The following OVGP1 variants were observed in gnomAD, a reference collection of about 807,000 sequenced individuals.
The protein encoded by OVGP1 is oviductal glycoprotein 1, also known as oviduct-specific glycoprotein.
Under a neutral mutation model 48.2 loss-of-function variants are expected in OVGP1, and 26 were observed. The observed-to-expected ratio is 0.54, with a 90% CI of 0.40 to 0.75. OVGP1 has a LOEUF of 0.75. Among genes scored for constraint, OVGP1 ranks in the 30% least tolerant of loss-of-function variants. OVGP1 has a pLI of 0.00. For synonymous variants in OVGP1, 294 were observed against 305.7 expected, an observed-to-expected ratio of 0.96 and a Z score of 0.40; for missense variants, 791 against 820.6, an observed-to-expected ratio of 0.96 and a Z score of 0.44.
At chr1:111,415,468 T>C (rs1487544522) in intron 10 of OVGP1, 124 bp from the exon 11 acceptor site, 5 of 793,274 alleles carry the variant, frequency 6.3e-6, no homozygotes, top group African/African-American at 1.7e-5. Flanking sequence ...AAGTGTAAGA[T>C]TTCATACTAT....
chr1:111,424,437 G>A (rs747335978), intron 4 of OVGP1, among the ~76,000 whole-genome samples: 3 of 152,152 alleles, frequency 2.0e-5, no homozygotes, highest in Non-Finnish European at 4.4e-5. Flanking sequence ...AAATAGATCT[G>A]GGTTCCATGG....
At chr1:111,417,895 C>T (rs1489405972) in intron 9 of OVGP1, among the ~76,000 whole-genome samples, 1 of 152,118 alleles carries the variant, frequency 6.6e-6, no homozygotes. Flanking sequence ...ACATATGTGG[C>T]CCTCCTCCCT....
chr1:111,418,679 G>A (rs937535899), intron 9 of OVGP1, among the ~76,000 whole-genome samples: 1 of 152,154 alleles, frequency 6.6e-6, no homozygotes, highest in South Asian at 2.1e-4. Flanking sequence ...CCCTAGTCCA[G>A]ACCCTCATTA....
Position 111,414,901 on chromosome 1 carries a change from G to T in OVGP1, c.1600C>A (p.Pro534Thr). Residue 534 changes from proline (P) to threonine (T), a missense_variant, in exon 11 of 11, where the codon CCT becomes ACT. Transcript: ENST00000369732. The part of the protein sequence containing the change: ...LTPVGHQSVT[P>T]VSHQSVSPGG... ...GGGCTCACAGACTGATGACTCACAGGGGTCACAGACTGATGACCCACAGGG... is the reference window on the plus strand; with the variant it reads ...GGGCTCACAGACTGATGACTCACAGTGGTCACAGACTGATGACCCACAGGG... The T allele has an allele frequency of 1.3e-6, 1 of 754,236 alleles. No individual in the cohort carries two copies. Among genetic ancestry groups the T allele is most frequent in the East Asian group, 3.5e-5 (1 of 28,400 alleles). The allele number at this position is 754,236 out of a possible 1,614,324, so 46.7% of individuals were successfully genotyped here.
rs74703813 is a variant in OVGP1 at position 111,423,833 on chromosome 1, G to C, written c.318-125C>G. 2.0e-3 allele frequency: 1,832 copies of C among 897,164 alleles called. 55 individuals are homozygous for C. In the East Asian group the frequency reaches 0.044, roughly 22 times the overall value. The allele number at this position is 897,164 out of a possible 1,614,324, so 55.6% of individuals were successfully genotyped here. A position where few individuals can be genotyped will look rare whatever the true frequency, so the allele number is the denominator to read the frequency against. On this transcript the variant is annotated intron_variant, in intron 4 of 10. Transcript: ENST00000369732. Reference sequence around the variant, plus strand: ...GATGTGGCTGGAGGAAAGGAAGGCAGATTTCCAAAACTCTCCCACCTTCTT... The same window carrying C: ...GATGTGGCTGGAGGAAAGGAAGGCACATTTCCAAAACTCTCCCACCTTCTT...
chr1:111,421,204 T>G lies in OVGP1; in HGVS notation c.903+72A>C, dbSNP rs1354604348. On this transcript the variant is annotated intron_variant, in intron 8 of 10. Transcript: ENST00000369732. Reference sequence around the variant, plus strand: ...CAGCTCTCACCCTTGCCATTGCCCCTTGTCCTGGCCTTTGCTCCAGCTGGG... The same window carrying G: ...CAGCTCTCACCCTTGCCATTGCCCCGTGTCCTGGCCTTTGCTCCAGCTGGG... 5 of 1,438,456 alleles carry G rather than the reference T, an allele frequency of 3.5e-6. No individual in the cohort carries two copies. The Admixed American group carries it at 6.5e-5, about 19-fold the overall frequency. 89.1% of individuals were successfully genotyped at this position (1,438,456 alleles called of 1,614,324 possible). A position where few individuals can be genotyped will look rare whatever the true frequency, so the allele number is the denominator to read the frequency against.
chr1:111,421,916 G>A (rs563456987), intron 6 of OVGP1, among the ~76,000 whole-genome samples: 8 of 152,188 alleles, frequency 5.3e-5, no homozygotes, highest in Non-Finnish European at 7.3e-5. Flanking sequence ...GCAGGAGTTA[G>A]ATGAGAGAAA....
At chr1:111,423,455 C>T in intron 5 of OVGP1, 88 bp downstream of exon 5, 1 of 1,399,846 alleles carries the variant, frequency 7.1e-7, no homozygotes. Context: ...TGCCCCTGGC[C>T]CTGGACTTAT....
At position 111,426,617 on chromosome 1, in the gene OVGP1, T is replaced by A. The variant is rs762881020; in HGVS notation, c.80A>T (p.Tyr27Phe). The A allele has an allele frequency of 6.2e-7, 1 of 1,613,890 alleles. No individual in the cohort carries two copies. The highest frequency in any genetic ancestry group is 8.5e-7 in the Non-Finnish European group (1 of 1,179,922). Residue 27 changes from tyrosine to phenylalanine, a missense_variant, in exon 3 of 11, where the codon TAT (tyrosine) becomes TTT (phenylalanine). Coordinates refer to ENST00000369732, the MANE Select transcript of OVGP1 (RefSeq NM_002557.4). ...CCGACTGTGTGCCCAGTTGGTGAAA[T>A]AACACACGAGTTTATGGGCAGCACC... ...HDGAAHKLVC[Y>F]FTNWAHSRPG...
chr1:111,416,886 CG>C (rs985490841), intron 9 of OVGP1, among the ~76,000 whole-genome samples: 1 of 151,932 alleles, frequency 6.6e-6, no homozygotes, highest in African/African-American at 2.4e-5. Flanking sequence ...TGCCAGGGGA[CG>C]TGGGAAGGAG....
chr1:111,416,232 C>T, intron 10 of OVGP1, 91 bp downstream of exon 10: 2 of 1,338,226 alleles, frequency 1.5e-6, no homozygotes, highest in Non-Finnish European at 2.0e-6. Flanking sequence ...GTCATGTTGC[C>T]TCACCAAGGC....
At chr1:111,420,126 T>C (rs1020805500) in intron 8 of OVGP1, among the ~76,000 whole-genome samples, 3 of 152,210 alleles carry the variant, frequency 2.0e-5, no homozygotes, top group Non-Finnish European at 4.4e-5. Flanking sequence ...CTGCCCCATA[T>C]AGGTGGTTCT....
Position 111,414,752 on chromosome 1 carries a change from G to A in OVGP1, c.1749C>T (p.Val583=), listed in dbSNP as rs1384308259. The part of the protein sequence containing the change: ...KVTVPSRNIS[V]TPEGQTMPLR... ...AAGGCATAGTCTGCCCTTCAGGGGT[G>A]ACTGATATGTTTCTGGAGGGGACAG... Residue 583 remains valine, a synonymous_variant, in exon 11 of 11, where the codon GTC becomes GTT. Coordinates refer to ENST00000369732, the MANE Select transcript of OVGP1 (RefSeq NM_002557.4). The A allele has an allele frequency of 3.7e-6, 6 of 1,611,224 alleles. No individual in the cohort carries two copies. The highest frequency in any genetic ancestry group is 5.1e-6 in the Non-Finnish European group (6 of 1,177,690).
At chr1:111,427,392 C>T in intron 1 of OVGP1, 1 of 984,390 alleles carries the variant, frequency 1.0e-6, no homozygotes, top group Non-Finnish European at 1.2e-6. Context: ...GTTCTGAACC[C>T]TGGCTGCAAA....
chr1:111,427,079 A>G lies in OVGP1; in HGVS notation c.38T>C (p.Val13Ala), dbSNP rs377549544. 1.7e-5 allele frequency: 27 copies of G among 1,614,012 alleles called. No homozygotes were observed. In the Middle Eastern group the frequency reaches 9.9e-4, roughly 59 times the overall value. The change falls in exon 2 of 11, where the codon GTG (valine) becomes GCG (alanine). Residue 13 changes from valine to alanine, a missense_variant. Physicochemically the swap from Val to Ala is moderately conservative, Grantham distance 64. Coordinates refer to ENST00000369732, the MANE Select transcript of OVGP1 (RefSeq NM_002557.4). ...KLLLWVGLVL[V>A]LKHHDGAAHK... is the part of the protein sequence containing the mutation. ...TTCCTTACCATCGTGGTGTTTCAGC[A>G]CAAGAACCAGCCCTGTGAGAAACAA...
intron 1 of OVGP1, 78 bp downstream of exon 1, chr1:111,427,619 G>T: frequency 6.5e-7 from 1 of 1,533,132 alleles, no homozygotes; most frequent in Non-Finnish European, 9.0e-7. Flanking sequence ...TGCTCTCTCA[G>T]GCACCAGAGA....
rs1652398416 is a variant in OVGP1 at position 111,426,424 on chromosome 1, A to T, written c.260+13T>A. 1.2e-6 allele frequency: 2 copies of T among 1,613,998 alleles called. No individual in the cohort carries two copies. The highest frequency in any genetic ancestry group is 1.7e-6 in the Non-Finnish European group (2 of 1,179,964). On this transcript the variant is annotated intron_variant, in intron 3 of 10. Transcript: ENST00000369732. ...ATCTGAAAATACAACCCCCACATCC[A>T]ATATGAACACACCTCTCCTTTAGTT... is the stretch of plus-strand genomic sequence containing the variant.
rs374224657 is a variant in OVGP1, at chr1:111,416,492, T to C, written c.1021-34A>G. ...GTAACAGTCAGTCAACCTGCTGTACTTGTCAGTCTCTAGACTGGGTACAAT... is the reference window on the plus strand; with the variant it reads ...GTAACAGTCAGTCAACCTGCTGTACCTGTCAGTCTCTAGACTGGGTACAAT... On this transcript the variant is annotated intron_variant, in intron 9 of 10. Coordinates refer to ENST00000369732, the MANE Select transcript of OVGP1 (RefSeq NM_002557.4). 6 of 1,579,904 alleles carry C rather than the reference T, an allele frequency of 3.8e-6. No homozygotes were observed. In the African/African-American group the frequency reaches 8.1e-5, roughly 21 times the overall value.
At chr1:111,416,647 G>A (rs1044259412) in intron 9 of OVGP1, 189 bp from the exon 10 acceptor site, 2 of 416,410 alleles carry the variant, frequency 4.8e-6, no homozygotes, top group Admixed American at 8.8e-5. Context: ...ACCCTTATGT[G>A]TCTTAACTGC....
Sources: allele counts gnomAD v4.1 joint callset (sites outside exome capture counted in the v4.1 genomes callset), GRCh38; gene constraint gnomAD v4.1.1; transcripts MANE v1.5; gene names NCBI Gene and HGNC (gene_info 2026-07-23, HGNC 2026-07-21).